The following FEM1A variants were observed in gnomAD, a reference collection of about 807,000 sequenced individuals.
FEM1A encodes the protein protein fem-1 homolog A.
A neutral mutation model predicts 0.7 loss-of-function variants in FEM1A; 1 was observed. The ratio of observed to expected loss-of-function variants is 1.35; its 90% CI spans 0.48 to 6.40. FEM1A has a LOEUF of 6.40. Ranked by LOEUF, FEM1A falls within the 30% of genes most tolerant of loss-of-function variation. FEM1A has a pLI of 0.14. For synonymous variants in FEM1A, 391 were observed against 420.6 expected, an observed-to-expected ratio of 0.93 and a Z score of 0.86; for missense variants, 721 against 918.7, an observed-to-expected ratio of 0.78 and a Z score of 2.78.
chr19:4,791,749 TGGCGGCGAG>T lies in FEM1A; in HGVS notation c.-103_-95del. 1 of 1,201,608 alleles carries T rather than the reference TGGCGGCGAG, an allele frequency of 8.3e-7. No homozygotes were observed. 74.4% of individuals were successfully genotyped at this position (1,201,608 alleles called of 1,614,324 possible). A position where few individuals can be genotyped will look rare whatever the true frequency, so the allele number is the denominator to read the frequency against. ...TGTTCCGCCCGAGGAGACCCTAAGA[TGGCGGCGAG>T]GGGGACGGTGAAGGTTGCCTCCCGC... On this transcript the variant is annotated 5_prime_UTR_variant, in exon 1 of 1. Coordinates refer to ENST00000269856, the MANE Select transcript of FEM1A (RefSeq NM_018708.3).
Position 4,794,029 on chromosome 19 carries a change from C to A in FEM1A, c.*165C>A. 2 of 722,330 alleles carry A rather than the reference C, an allele frequency of 2.8e-6. No individual in the cohort carries two copies. Among genetic ancestry groups the A allele is most frequent in the South Asian group, 1.9e-5 (1 of 52,760 alleles). The allele number at this position is 722,330 out of a possible 1,614,324, so 44.7% of individuals were successfully genotyped here. A position where few individuals can be genotyped will look rare whatever the true frequency, so the allele number is the denominator to read the frequency against. On this transcript the variant is annotated 3_prime_UTR_variant, in exon 1 of 1. Coordinates refer to ENST00000269856, the MANE Select transcript of FEM1A (RefSeq NM_018708.3). The stretch of plus-strand genomic sequence containing the variant: ...CTGCAGACAGGGTCGGAGGTGTTAG[C>A]GAGCCTTTGGTGCTAGAAGCCTGCG...
Position 4,801,106 on chromosome 19 carries a change from G to A in FEM1A, c.*7242G>A, listed in dbSNP as rs2093567975. ...GAACTGGGACATTCAGAATTCCCTG[G>A]AGCAACCCCCTCCCTCCACCCTGTG... On this transcript the variant is annotated 3_prime_UTR_variant, in exon 1 of 1. Coordinates refer to ENST00000269856, the MANE Select transcript of FEM1A (RefSeq NM_018708.3). The A allele has an allele frequency of 6.6e-6, 1 of 152,048 alleles. No homozygotes were observed. The highest frequency in any genetic ancestry group is 1.5e-5 in the Non-Finnish European group (1 of 68,030). 9.4% of individuals were successfully genotyped at this position (152,048 alleles called of 1,614,324 possible).
chr19:4,793,999 T>G lies in FEM1A; in HGVS notation c.*135T>G. On this transcript the variant is annotated 3_prime_UTR_variant, in exon 1 of 1. Coordinates refer to ENST00000269856, the MANE Select transcript of FEM1A (RefSeq NM_018708.3). The surrounding 1 kb of genome is among the most constrained non-coding windows in gnomAD (Gnocchi z 5.1). ...GAGAAGGGTTCTGCCTCCCATCCCCTCTACCTGCAGACAGGGTCGGAGGTG... is the reference window on the plus strand; with the variant it reads ...GAGAAGGGTTCTGCCTCCCATCCCCGCTACCTGCAGACAGGGTCGGAGGTG... 1.1e-6 allele frequency: 1 copy of G among 885,954 alleles called. No homozygotes were observed. The highest frequency in any genetic ancestry group is 1.7e-6 in the Non-Finnish European group (1 of 579,986). 54.9% of individuals were successfully genotyped at this position (885,954 alleles called of 1,614,324 possible). A position where few individuals can be genotyped will look rare whatever the true frequency, so the allele number is the denominator to read the frequency against.
chr19:4,795,023 T>C lies in FEM1A; in HGVS notation c.*1159T>C, dbSNP rs2093559523. The stretch of plus-strand genomic sequence containing the variant: ...CCAAGGATTGAGACCCAAGTCATCA[T>C]GAAAAAGGCCCAAGTACAGTCTTAA... On this transcript the variant is annotated 3_prime_UTR_variant, in exon 1 of 1. Coordinates refer to ENST00000269856, the MANE Select transcript of FEM1A (RefSeq NM_018708.3). 6.0e-6 allele frequency: 1 copy of C among 167,034 alleles called. No homozygotes were observed. The highest frequency in any genetic ancestry group is 2.4e-5 in the African/African-American group (1 of 41,416). 10.3% of individuals were successfully genotyped at this position (167,034 alleles called of 1,614,324 possible).
In FEM1A at chr19:4,793,155, G is replaced by T; in HGVS notation, c.1301G>T (p.Ser434Ile). The T allele has an allele frequency of 3.7e-6, 6 of 1,613,632 alleles. No homozygotes were observed. The highest frequency in any genetic ancestry group is 5.1e-6 in the Non-Finnish European group (6 of 1,180,030). ...LEPLSPMTAS[S>I]FLSFAELFSY... ...CCTCTGAGCCCCATGACCGCCAGCAGCTTCCTCTCCTTCGCGGAACTCTTC... is the reference window on the plus strand; with the variant it reads ...CCTCTGAGCCCCATGACCGCCAGCATCTTCCTCTCCTTCGCGGAACTCTTC... Residue 434 changes from serine (S) to isoleucine (I), a missense_variant, in exon 1 of 1, where the codon AGC becomes ATC. By Grantham distance (142) the Ser-to-Ile change is moderately radical. Around this residue, in one of 4 missense-constraint regions of FEM1A, gnomAD observed 379 missense variants for 454.8 expected, o/e 0.83. Transcript: ENST00000269856. This position sits in a 1 kb window ranked among gnomAD's most constrained non-coding sequence, Gnocchi z 5.1.
Position 4,792,688 on chromosome 19 carries a change from G to A in FEM1A, c.834G>A (p.Glu278=), listed in dbSNP as rs757354681. 1.9e-6 allele frequency: 3 copies of A among 1,612,198 alleles called. No homozygotes were observed. The change falls in exon 1 of 1, where the codon GAG becomes GAA. Residue 278 remains glutamate (E), a synonymous_variant. Transcript: ENST00000269856. This position sits in a 1 kb window ranked among gnomAD's most constrained non-coding sequence, Gnocchi z 6.7. ...CTCCGTGCTGCAGCTCCTCCCCAGAGGAACCACTGAACGGGGAATCTTACG... is the reference window on the plus strand; with the variant it reads ...CTCCGTGCTGCAGCTCCTCCCCAGAAGAACCACTGAACGGGGAATCTTACG... ...QGAPCCSSSP[E]EPLNGESYES...
rs1249133642 is a variant in FEM1A, at chr19:4,797,201, G to A, written c.*3337G>A. The A allele has an allele frequency of 8.3e-6, 1 of 120,872 alleles. No individual in the cohort carries two copies. Among genetic ancestry groups the A allele is most frequent in the East Asian group, 2.4e-4 (1 of 4,228 alleles). The allele number at this position is 120,872 out of a possible 1,614,324, so 7.5% of individuals were successfully genotyped here. ...TTTTTTTTGAGACGGAGTCTCTGTC[G>A]CTCAGGCTGGAGTGCAGTGGTGTGA... On this transcript the variant is annotated 3_prime_UTR_variant, in exon 1 of 1. Transcript: ENST00000269856.
rs1338919833 is a variant in FEM1A at position 4,792,694 on chromosome 19, A to G, written c.840A>G (p.Pro280=). ...GCTGCAGCTCCTCCCCAGAGGAACC[A>G]CTGAACGGGGAATCTTACGAAAGCT... is the stretch of plus-strand genomic sequence containing the variant. ...APCCSSSPEE[P]LNGESYESCC... is the part of the protein sequence containing the mutation. Residue 280 remains proline, a synonymous_variant, in exon 1 of 1, where the codon CCA becomes CCG. Transcript: ENST00000269856. This position sits in a 1 kb window ranked among gnomAD's most constrained non-coding sequence, Gnocchi z 6.7. The G allele has an allele frequency of 3.7e-6, 6 of 1,612,154 alleles. No individual in the cohort carries two copies. Among genetic ancestry groups the G allele is most frequent in the Non-Finnish European group, 4.2e-6 (5 of 1,179,860 alleles).
rs1238506368 is a variant in FEM1A at position 4,794,722 on chromosome 19, C to T, written c.*858C>T. ...ACATGGGTGACCGTACATTTTTATA[C>T]ATCTCCACTCTACGGCCTTTTACAG... On this transcript the variant is annotated 3_prime_UTR_variant, in exon 1 of 1. Coordinates refer to ENST00000269856, the MANE Select transcript of FEM1A (RefSeq NM_018708.3). The T allele has an allele frequency of 1.2e-5, 2 of 166,956 alleles. No individual in the cohort carries two copies. The highest frequency in any genetic ancestry group is 4.8e-5 in the African/African-American group (2 of 41,416). 10.3% of individuals were successfully genotyped at this position (166,956 alleles called of 1,614,324 possible). A position where few individuals can be genotyped will look rare whatever the true frequency, so the allele number is the denominator to read the frequency against.
Position 4,792,544 on chromosome 19 carries a change from C to T in FEM1A, c.690C>T (p.Ile230=). ...LAASVTGHTN[I]VEYLIQEQPG... ...CCAGCGTGACGGGCCACACCAACAT[C>T]GTGGAGTACCTCATCCAGGAGCAGC... The change falls in exon 1 of 1, where the codon ATC becomes ATT. Residue 230 remains isoleucine, a synonymous_variant. Coordinates refer to ENST00000269856, the MANE Select transcript of FEM1A (RefSeq NM_018708.3). The surrounding 1 kb of genome is among the most constrained non-coding windows in gnomAD (Gnocchi z 6.7). 1 of 1,602,910 alleles carries T rather than the reference C, an allele frequency of 6.2e-7. No homozygotes were observed.
rs1222526650 is a variant in FEM1A at position 4,792,259 on chromosome 19, G to A, written c.405G>A (p.Leu135=). The change falls in exon 1 of 1, where the codon CTG becomes CTA. Residue 135 remains leucine, a synonymous_variant. Transcript: ENST00000269856. This position sits in a 1 kb window ranked among gnomAD's most constrained non-coding sequence, Gnocchi z 6.7. ...GCCACCTGGAGGTGGTGCGCTACCTGGTCGGCGAGCACCAGGCCGACCTGG... is the reference window on the plus strand; with the variant it reads ...GCCACCTGGAGGTGGTGCGCTACCTAGTCGGCGAGCACCAGGCCGACCTGG... ...FDGHLEVVRY[L]VGEHQADLEV... 1 of 1,543,302 alleles carries A rather than the reference G, an allele frequency of 6.5e-7. No individual in the cohort carries two copies. The highest frequency in any genetic ancestry group is 1.2e-5 in the South Asian group (1 of 85,842).
chr19:4,794,227 CA>C lies in FEM1A; in HGVS notation c.*364del. Reference sequence around the variant, plus strand: ...TTGCGTTCCTTCCCTGCTAGAAACACAGGAAGAAGTTGAGGACTGTCTGCCT... The same window carrying C: ...TTGCGTTCCTTCCCTGCTAGAAACACGGAAGAAGTTGAGGACTGTCTGCCT... On this transcript the variant is annotated 3_prime_UTR_variant, in exon 1 of 1. Coordinates refer to ENST00000269856, the MANE Select transcript of FEM1A (RefSeq NM_018708.3). 1.4e-5 allele frequency: 4 copies of C among 276,844 alleles called. No homozygotes were observed. In the South Asian group the frequency reaches 1.9e-4, roughly 13 times the overall value. The allele number at this position is 276,844 out of a possible 1,614,324, so 17.1% of individuals were successfully genotyped here.
chr19:4,797,599 A>C lies in FEM1A; in HGVS notation c.*3735A>C, dbSNP rs1353088013. On this transcript the variant is annotated 3_prime_UTR_variant, in exon 1 of 1. Coordinates refer to ENST00000269856, the MANE Select transcript of FEM1A (RefSeq NM_018708.3). ...CAAGATGACCGCCAGCAGAAAAGAG[A>C]GCATCTTTCTCCCAGTCAAAAGCCA... 1 of 147,912 alleles carries C rather than the reference A, an allele frequency of 6.8e-6. No individual in the cohort carries two copies. Among genetic ancestry groups the C allele is most frequent in the African/African-American group, 2.5e-5 (1 of 39,766 alleles). The allele number at this position is 147,912 out of a possible 1,614,324, so 9.2% of individuals were successfully genotyped here.
rs1489451557 is a variant in FEM1A at position 4,798,853 on chromosome 19, C to T, written c.*4989C>T. On this transcript the variant is annotated 3_prime_UTR_variant, in exon 1 of 1. Transcript: ENST00000269856. ...CTGTTTCCCTCGGGGATCTGCCAGACTCAGCCCCCTAACCCCAAGAAAATC... is the reference window on the plus strand; with the variant it reads ...CTGTTTCCCTCGGGGATCTGCCAGATTCAGCCCCCTAACCCCAAGAAAATC... The T allele has an allele frequency of 1.3e-5, 2 of 152,178 alleles. No homozygotes were observed. The highest frequency in any genetic ancestry group is 4.8e-5 in the African/African-American group (2 of 41,432). 9.4% of individuals were successfully genotyped at this position (152,178 alleles called of 1,614,324 possible). A position where few individuals can be genotyped will look rare whatever the true frequency, so the allele number is the denominator to read the frequency against.
chr19:4,797,252 C>T lies in FEM1A; in HGVS notation c.*3388C>T, dbSNP rs2093562174. On this transcript the variant is annotated 3_prime_UTR_variant, in exon 1 of 1. Coordinates refer to ENST00000269856, the MANE Select transcript of FEM1A (RefSeq NM_018708.3). ...TCTCGGCTCACTGCAAGCTCAGCCT[C>T]CCGGGTTCACACCATTCTCCTGCCT... 6.7e-6 allele frequency: 1 copy of T among 149,244 alleles called. No individual in the cohort carries two copies. 9.2% of individuals were successfully genotyped at this position (149,244 alleles called of 1,614,324 possible).
Position 4,793,983 on chromosome 19 carries a change from T to G in FEM1A, c.*119T>G. The G allele has an allele frequency of 4.8e-6, 5 of 1,038,816 alleles. No homozygotes were observed. Among genetic ancestry groups the G allele is most frequent in the Non-Finnish European group, 7.0e-6 (5 of 714,120 alleles). The allele number at this position is 1,038,816 out of a possible 1,614,324, so 64.3% of individuals were successfully genotyped here. ...TTCAGGCACCAATCAGGAGAAGGGT[T>G]CTGCCTCCCATCCCCTCTACCTGCA... On this transcript the variant is annotated 3_prime_UTR_variant, in exon 1 of 1. Transcript: ENST00000269856. The surrounding 1 kb of genome is among the most constrained non-coding windows in gnomAD (Gnocchi z 5.1).
At position 4,795,864 on chromosome 19, in the gene FEM1A, T is replaced by A. The variant is rs1332538232; in HGVS notation, c.*2000T>A. 6.6e-6 allele frequency: 1 copy of A among 152,092 alleles called. No individual in the cohort carries two copies. The highest frequency in any genetic ancestry group is 1.5e-5 in the Non-Finnish European group (1 of 68,056). The allele number at this position is 152,092 out of a possible 1,614,324, so 9.4% of individuals were successfully genotyped here. ...GGCACCTGCCACTATGCCCAGCTAA[T>A]TTTTGTATTTTCTGTAGAGGCAGGT... On this transcript the variant is annotated 3_prime_UTR_variant, in exon 1 of 1. Transcript: ENST00000269856.
At position 4,792,301 on chromosome 19, in the gene FEM1A, C is replaced by T. The variant is rs1458410579; in HGVS notation, c.447C>T (p.His149=). Residue 149 remains histidine (H), a synonymous_variant, in exon 1 of 1, where the codon CAC becomes CAT. Transcript: ENST00000269856. The surrounding 1 kb of genome is among the most constrained non-coding windows in gnomAD (Gnocchi z 6.7). ...HQADLEVANR[H]GHTCLMISCY... Reference sequence around the variant, plus strand: ...CCGACCTGGAGGTGGCCAACCGGCACGGCCACACGTGCCTCATGATCTCGT... The same window carrying T: ...CCGACCTGGAGGTGGCCAACCGGCATGGCCACACGTGCCTCATGATCTCGT... 5 of 1,578,638 alleles carry T rather than the reference C, an allele frequency of 3.2e-6. No homozygotes were observed. The South Asian group carries it at 5.6e-5, about 18-fold the overall frequency.
At position 4,792,176 on chromosome 19, in the gene FEM1A, T is replaced by C; in HGVS notation, c.322T>C (p.Ser108Pro). 1 of 1,507,662 alleles carries C rather than the reference T, an allele frequency of 6.6e-7. No individual in the cohort carries two copies. Among genetic ancestry groups the C allele is most frequent in the Non-Finnish European group, 8.8e-7 (1 of 1,131,172 alleles). The allele number at this position is 1,507,662 out of a possible 1,614,324, so 93.4% of individuals were successfully genotyped here. The change falls in exon 1 of 1, where the codon TCG (serine) becomes CCG (proline). Residue 108 changes from serine to proline, a missense_variant. Physicochemically the swap from Ser to Pro is moderately conservative, Grantham distance 74. This residue lies in a region of FEM1A where 195 missense variants were observed against 316.9 expected (regional missense o/e 0.62). Coordinates refer to ENST00000269856, the MANE Select transcript of FEM1A (RefSeq NM_018708.3). The surrounding 1 kb of genome is among the most constrained non-coding windows in gnomAD (Gnocchi z 6.7). ...GCGGAGCCTGCTGCGCCGCGGGGCC[T>C]CGGTGAACCGCACCACGCGCACCAA... Reference protein sequence around the residue: ...VVRSLLRRGASVNRTTRTNST... With the variant: ...VVRSLLRRGAPVNRTTRTNST...
Sources: allele counts gnomAD v4.1 joint callset, GRCh38; gene constraint gnomAD v4.1.1; regional missense constraint gnomAD v4.1.1; non-coding constraint Gnocchi (gnomAD v3.1); transcripts MANE v1.5; gene names NCBI Gene and HGNC (gene_info 2026-07-23, HGNC 2026-07-21).